The following CIB4 variants were observed in gnomAD, a reference collection of about 807,000 sequenced individuals.
The protein encoded by CIB4 is calcium and integrin binding family member 4.
Under a neutral mutation model 25.8 loss-of-function variants are expected in CIB4, and 25 were observed. The observed-to-expected ratio is 0.97, with a 90% CI of 0.71 to 1.35. CIB4 has a LOEUF of 1.35. Among genes scored for constraint, CIB4 ranks in the 40% most tolerant of loss-of-function variants. The probability of loss-of-function intolerance (pLI) is 0.00; values close to 1 mark genes in which losing one functional copy is unlikely to be tolerated. For missense variants in CIB4, 235 were observed against 228.2 expected (o/e 1.03, Z -0.19); for synonymous variants, 75 against 81.4 (o/e 0.92, Z 0.42).
At chr2:26,629,372 T>C (rs1396543973) in intron 3 of CIB4, 38 bp downstream of exon 3, 1 of 1,033,988 alleles carries the variant, frequency 9.7e-7, no homozygotes, top group Non-Finnish European at 1.4e-6. Context: ...CAGGTCCCAC[T>C]GATGCTGCCC....
chr2:26,612,807 G>C (rs1669021567), intron 3 of CIB4, among the ~76,000 whole-genome samples: 1 of 152,236 alleles, frequency 6.6e-6, no homozygotes, highest in South Asian at 2.1e-4. Context: ...CCCTGGGGCA[G>C]TTTACAGAGT....
rs1668335154 is a variant in CIB4, at chr2:26,581,391, G to T, written c.530C>A (p.Ser177Tyr). Residue 177 changes from serine (S) to tyrosine (Y), a missense_variant and splice_region_variant, in exon 7 of 7, where the codon TCC becomes TAC. Physicochemically the swap from Ser to Tyr is moderately radical, Grantham distance 144 (BLOSUM62 -2). Coordinates refer to ENST00000288861, the MANE Select transcript of CIB4 (RefSeq NM_001029881.3). Reference sequence around the variant, plus strand: ...GCATCCCCAGAAGTGAATCCGAAAGGAGCTGAAAGAAAGAATCCCGTGAGC... The same window carrying T: ...GCATCCCCAGAAGTGAATCCGAAAGTAGCTGAAAGAAAGAATCCCGTGAGC... ...AMAKSPDFMN[S>Y]FRIHFWGC 3 of 1,613,648 alleles carry T rather than the reference G, an allele frequency of 1.9e-6. No individual in the cohort carries two copies. The highest frequency in any genetic ancestry group is 1.7e-5 in the Admixed American group (1 of 60,000).
intron 4 of CIB4, among the ~76,000 whole-genome samples, chr2:26,591,427 C>T (rs1037919552): frequency 1.3e-5 from 2 of 152,166 alleles, no homozygotes; most frequent in African/African-American, 4.8e-5. Context: ...CAGAGAGAGG[C>T]AGAGATGAGA....
chr2:26,616,263 G>A (rs754016581), intron 3 of CIB4, among the ~76,000 whole-genome samples: 6 of 152,216 alleles, frequency 3.9e-5, no homozygotes, highest in Non-Finnish European at 5.9e-5. Flanking sequence ...GAGGTCAGCC[G>A]AATGCAGCAT....
At chr2:26,601,539 A>T (rs1572550948) in intron 3 of CIB4, among the ~76,000 whole-genome samples, 1 of 152,068 alleles carries the variant, frequency 6.6e-6, no homozygotes, top group Non-Finnish European at 1.5e-5. Flanking sequence ...CTGATCATAG[A>T]TCTAATATGT....
intron 3 of CIB4, among the ~76,000 whole-genome samples, chr2:26,622,006 G>A (rs1367989425): frequency 6.6e-6 from 1 of 152,130 alleles, no homozygotes; most frequent in Non-Finnish European, 1.5e-5. Context: ...ACACAGAAAG[G>A]GAAAGTAACT....
chr2:26,626,400 C>CAA (rs34258205), intron 3 of CIB4, among the ~76,000 whole-genome samples: 2 of 127,568 alleles, frequency 1.6e-5, no homozygotes, highest in Non-Finnish European at 3.4e-5. Flanking sequence ...AAGCAACATA[C>CAA]AAAAAAAAAA....
intron 1 of CIB4, 114 bp from the exon 2 acceptor site, chr2:26,640,681 G>C: frequency 8.6e-7 from 1 of 1,159,778 alleles, no homozygotes; most frequent in Non-Finnish European, 1.2e-6. Flanking sequence ...TTGCTGCACA[G>C]CTGGGGGAAC....
intron 3 of CIB4, among the ~76,000 whole-genome samples, chr2:26,625,533 G>A (rs1669286938): frequency 6.6e-6 from 1 of 152,010 alleles, no homozygotes; most frequent in Non-Finnish European, 1.5e-5. Context: ...TGTATTTTTA[G>A]TAGAGACGGG....
intron 6 of CIB4, 43 bp downstream of exon 6, chr2:26,582,782 C>A: frequency 7.8e-7 from 1 of 1,287,914 alleles, no homozygotes; most frequent in East Asian, 2.3e-5. Context: ...TTCCTGCCCC[C>A]ACCACTCTCC....
intron 3 of CIB4, among the ~76,000 whole-genome samples, chr2:26,612,415 A>G (rs1669012379): frequency 6.6e-6 from 1 of 152,218 alleles, no homozygotes; most frequent in African/African-American, 2.4e-5. Flanking sequence ...GATGCAGTGG[A>G]CATTTTTGTG....
In CIB4 at chr2:26,617,147, T is replaced by TGTGTGTGTGTGCGCGCGC. The variant is rs10665609; in HGVS notation, c.186+12262_186+12263insGCGCGCGCACACACACAC. Among the ~76,000 whole-genome samples the TGTGTGTGTGTGCGCGCGC allele has an allele frequency of 9.3e-5, 14 of 150,532 alleles. No homozygotes were observed. In the South Asian group the frequency reaches 1.5e-3, roughly 16 times the overall value. On this transcript the variant is annotated intron_variant, in intron 3 of 6. Transcript: ENST00000288861. ...GTGTGTGTGTGTGTGTGTGTGTGTG[T>TGTGTGTGTGTGCGCGCGC]GCACGTGAGCGTGGGTGGGCATGAT...
At chr2:26,640,347 G>A (rs896698664) in intron 2 of CIB4, among the ~76,000 whole-genome samples, 186 bp downstream of exon 2, 2 of 152,238 alleles carry the variant, frequency 1.3e-5, no homozygotes, top group African/African-American at 4.8e-5. Context: ...AGCTCCAGTG[G>A]GGCTCTGCGG....
intron 4 of CIB4, among the ~76,000 whole-genome samples, chr2:26,592,208 C>G (rs1240289022): frequency 1.3e-5 from 2 of 152,232 alleles, no homozygotes; most frequent in Non-Finnish European, 2.9e-5. Context: ...AAACAGCAAG[C>G]CTGGGCTGGC....
chr2:26,582,554 C>T (rs1275583371), intron 6 of CIB4, among the ~76,000 whole-genome samples: 1 of 152,218 alleles, frequency 6.6e-6, no homozygotes, highest in Non-Finnish European at 1.5e-5. Context: ...AGAGGTGTGT[C>T]AGCTGGCACA....
intron 4 of CIB4, among the ~76,000 whole-genome samples, chr2:26,585,190 T>C (rs904434052): frequency 1.3e-5 from 2 of 150,538 alleles, no homozygotes; most frequent in Admixed American, 1.3e-4. Flanking sequence ...GGACGGTGGG[T>C]GGAGGAGGTG....
At chr2:26,637,902 T>C (rs1403698099) in intron 2 of CIB4, among the ~76,000 whole-genome samples, 1 of 152,210 alleles carries the variant, frequency 6.6e-6, no homozygotes, top group African/African-American at 2.4e-5. Context: ...CTGGCCCCAC[T>C]AGTGCTTCTC....
At chr2:26,584,078 C>T (rs993223369) in intron 4 of CIB4, among the ~76,000 whole-genome samples, 180 bp from the exon 5 acceptor site, 5 of 152,122 alleles carry the variant, frequency 3.3e-5, no homozygotes, top group African/African-American at 7.2e-5. Context: ...AATAACCCGT[C>T]GGAAATACCA....
chr2:26,606,190 T>G (rs1353325828), intron 3 of CIB4, among the ~76,000 whole-genome samples: 1 of 152,154 alleles, frequency 6.6e-6, no homozygotes, highest in Non-Finnish European at 1.5e-5. Context: ...CCCCCCAAAA[T>G]GATGCAGACG....
Sources: allele counts gnomAD v4.1 joint callset (sites outside exome capture counted in the v4.1 genomes callset), GRCh38; gene constraint gnomAD v4.1.1; transcripts MANE v1.5; gene names NCBI Gene and HGNC (gene_info 2026-07-23, HGNC 2026-07-21).